Variants in OGDH observed in about 807,000 individuals in gnomAD.
The protein encoded by OGDH is oxoglutarate dehydrogenase.
A neutral mutation model predicts 116.6 loss-of-function variants in OGDH; 38 were observed. That is an observed-to-expected ratio of 0.33 (90% CI 0.25 to 0.43). The LOEUF is 0.43. OGDH is among the 20% of genes least tolerant of loss of function. The pLI, the probability that OGDH is intolerant of heterozygous loss-of-function variation, is 1.00. For synonymous variants in OGDH, 488 were observed against 533.3 expected, an observed-to-expected ratio of 0.92 and a Z score of 1.17; for missense variants, 825 against 1,357.2, an observed-to-expected ratio of 0.61 and a Z score of 6.16.
Position 44,666,818 on chromosome 7 carries a change from A to G in OGDH, c.600A>G (p.Ala200=), listed in dbSNP as rs781565225. The change falls in exon 5 of 23, where the codon GCA becomes GCG. Residue 200 remains alanine (A), a synonymous_variant. Coordinates refer to ENST00000222673, the MANE Select transcript of OGDH (RefSeq NM_002541.4). ...TTTFIGGQES[A]LPLREIIRRL... is the part of the protein sequence containing the mutation. ...CTTTCATCGGGGGACAGGAATCAGC[A>G]CTTCCTCTGCGGGAGATCATCCGTC... is the stretch of plus-strand genomic sequence containing the variant. The G allele has an allele frequency of 1.3e-4, 206 of 1,612,444 alleles. 3 individuals are homozygous for G. Among genetic ancestry groups the G allele is most frequent in the Non-Finnish European group, 4.2e-6 (5 of 1,179,296 alleles).
chr7:44,627,471 T>C (rs1785252519), intron 2 of OGDH, among the ~76,000 whole-genome samples: 3 of 152,212 alleles, frequency 2.0e-5, no homozygotes, highest in South Asian at 4.1e-4. Flanking sequence ...ATAATAAAAT[T>C]AGAAGTGCTG....
intron 2 of OGDH, among the ~76,000 whole-genome samples, chr7:44,642,034 G>T (rs977845022): frequency 2.0e-5 from 3 of 152,208 alleles, no homozygotes; most frequent in African/African-American, 4.8e-5. Flanking sequence ...GTTTTCATGA[G>T]AACCGATTTA....
At chr7:44,705,461 G>A (rs1789029915) in intron 20 of OGDH, among the ~76,000 whole-genome samples, 1 of 152,076 alleles carries the variant, frequency 6.6e-6, no homozygotes, top group Non-Finnish European at 1.5e-5. Flanking sequence ...TGAAACTTTT[G>A]CCCTATGTTT....
chr7:44,683,354 G>T (rs879436246), intron 10 of OGDH, among the ~76,000 whole-genome samples: 2 of 151,890 alleles, frequency 1.3e-5, no homozygotes, highest in African/African-American at 4.8e-5. Context: ...TCAGCCTCCC[G>T]AGTAGCAAGG....
intron 10 of OGDH, among the ~76,000 whole-genome samples, chr7:44,688,369 T>C (rs1788222513): frequency 6.6e-6 from 1 of 151,066 alleles, no homozygotes; most frequent in Admixed American, 6.6e-5. Flanking sequence ...AGACTCTGTC[T>C]CAAAAAATAA....
intron 1 of OGDH, among the ~76,000 whole-genome samples, chr7:44,622,634 A>C (rs1261134574): frequency 6.6e-6 from 1 of 152,108 alleles, no homozygotes; most frequent in Admixed American, 6.5e-5. Flanking sequence ...AATATAGAAG[A>C]TATTTTTATG....
chr7:44,703,244 C>T (rs183034824), intron 20 of OGDH, among the ~76,000 whole-genome samples: 4 of 152,032 alleles, frequency 2.6e-5, no homozygotes, highest in South Asian at 2.1e-4. Context: ...GGTGAAACCC[C>T]GTCTCTATTA....
At chr7:44,607,772 C>T (rs1434532624) in intron 1 of OGDH, among the ~76,000 whole-genome samples, 1 of 152,156 alleles carries the variant, frequency 6.6e-6, no homozygotes, top group Non-Finnish European at 1.5e-5. Context: ...GCGATCTCGG[C>T]TCACTGCAAC....
intron 2 of OGDH, among the ~76,000 whole-genome samples, chr7:44,640,146 A>T (rs1785863563): frequency 6.6e-6 from 1 of 152,112 alleles, no homozygotes; most frequent in African/African-American, 2.4e-5. Flanking sequence ...AGTGGCTGGA[A>T]ATTCCTTTCA....
chr7:44,627,031 CTG>C (rs1785234625), intron 2 of OGDH, among the ~76,000 whole-genome samples: 1 of 152,200 alleles, frequency 6.6e-6, no homozygotes, highest in Non-Finnish European at 1.5e-5. Flanking sequence ...GAGTCTCACT[CTG>C]TCGCTCAGAC....
intron 2 of OGDH, among the ~76,000 whole-genome samples, chr7:44,629,988 A>G (rs560663728): frequency 6.6e-6 from 1 of 152,288 alleles, no homozygotes; most frequent in East Asian, 1.9e-4. Context: ...CGTTCAGATT[A>G]CAGGTGCAGG....
intron 1 of OGDH, among the ~76,000 whole-genome samples, chr7:44,608,354 G>A (rs1161497063): frequency 6.6e-6 from 1 of 151,990 alleles, no homozygotes; most frequent in Non-Finnish European, 1.5e-5. Context: ...GCTGCAGTGA[G>A]CCATTATTGC....
At chr7:44,628,848 A>G (rs529219622) in intron 2 of OGDH, among the ~76,000 whole-genome samples, 2 of 152,158 alleles carry the variant, frequency 1.3e-5, no homozygotes, top group South Asian at 2.1e-4. Context: ...TACCTTTTTT[A>G]CCCTAAGTCC....
intron 4 of OGDH, among the ~76,000 whole-genome samples, chr7:44,651,387 A>G (rs575650232): frequency 6.6e-6 from 1 of 152,354 alleles, no homozygotes; most frequent in Non-Finnish European, 1.5e-5. Context: ...GTAGACTCTT[A>G]CCAGTTAGGA....
At position 44,669,145 on chromosome 7, in the gene OGDH, C is replaced by CTTTTTTTTTTTTTTTTTT. The variant is rs869250474; in HGVS notation, c.633+2302_633+2319dup. On this transcript the variant is annotated intron_variant, in intron 5 of 22. Coordinates refer to ENST00000222673, the MANE Select transcript of OGDH (RefSeq NM_002541.4). ...GAGTCCCCTGTGGGGAGCCCGGCAG[C>CTTTTTTTTTTTTTTTTTT]TTTTTTTTTTTTTTTTTTTTTTTTT... Among the ~76,000 whole-genome samples, 242 of 77,802 alleles carry CTTTTTTTTTTTTTTTTTT rather than the reference C, an allele frequency of 3.1e-3. 28 individuals are homozygous for CTTTTTTTTTTTTTTTTTT. The highest frequency in any genetic ancestry group is 8.5e-3 in the African/African-American group (116 of 13,672). 51.0% of individuals were successfully genotyped at this position (77,802 alleles called of 152,430 possible).
chr7:44,702,798 G>A (rs757947619), intron 20 of OGDH, among the ~76,000 whole-genome samples: 1 of 151,968 alleles, frequency 6.6e-6, no homozygotes, highest in Non-Finnish European at 1.5e-5. Flanking sequence ...GGGTTTCACC[G>A]TGTTAGCCAG....
Position 44,673,957 on chromosome 7 carries a change from T to G in OGDH, c.788+16T>G. On this transcript the variant is annotated intron_variant, in intron 6 of 22. Coordinates refer to ENST00000222673, the MANE Select transcript of OGDH (RefSeq NM_002541.4). ...GGTCCACCAGGTATGGGTCTGGCCC[T>G]GGGCCATGGGGCAGACATTCCCAGG... 1 of 1,613,868 alleles carries G rather than the reference T, an allele frequency of 6.2e-7. No individual in the cohort carries two copies. Among genetic ancestry groups the G allele is most frequent in the Non-Finnish European group, 8.5e-7 (1 of 1,179,782 alleles).
intron 1 of OGDH, among the ~76,000 whole-genome samples, chr7:44,618,553 A>G (rs1396515234): frequency 6.6e-6 from 1 of 152,190 alleles, no homozygotes; most frequent in African/African-American, 2.4e-5. Flanking sequence ...TTTCCTAAGT[A>G]ACTAAAATAA....
chr7:44,629,575 C>CTTTTTTTTTTTTTTT (rs1037295168), intron 2 of OGDH, among the ~76,000 whole-genome samples: 2 of 134,434 alleles, frequency 1.5e-5, no homozygotes, highest in African/African-American at 2.8e-5. Flanking sequence ...TTTTCTTTTT[C>CTTTTTTTTTTTTTTT]TTTTCTTTTT....
Sources: gnomAD v4.1 joint callset for allele counts (sites outside exome capture counted in the v4.1 genomes callset) on GRCh38, gnomAD v4.1.1 for gene constraint, MANE v1.5 for transcripts, NCBI Gene and HGNC (gene_info 2026-07-23, HGNC 2026-07-21) for gene names.